CCDC180: variants seen among roughly 807,000 people sequenced by gnomAD.
CCDC180 encodes coiled-coil domain-containing protein 180.
In CCDC180, 154 loss-of-function variants were observed where a neutral mutation model predicts 209.2. The ratio of observed to expected loss-of-function variants is 0.74; its 90% confidence interval spans 0.65 to 0.84. The LOEUF is 0.84. CCDC180 is among the 40% of genes least tolerant of loss of function. The pLI is 0.00. For synonymous variants in CCDC180, 778 were observed against 749.1 expected, an observed-to-expected ratio of 1.04 and a Z score of -0.63; for missense variants, 1,874 against 1,997.3, an observed-to-expected ratio of 0.94 and a Z score of 1.18.
chr9:97,343,129 T>A (rs937211084), intron 18 of CCDC180, among the ~76,000 whole-genome samples: 38 of 152,222 alleles, frequency 2.5e-4, no homozygotes, highest in African/African-American at 9.2e-4. Context: ...TATTTTCTGA[T>A]GTTTTAAGAG....
chr9:97,357,096 G>A (rs1826605208), intron 24 of CCDC180, among the ~76,000 whole-genome samples: 2 of 152,252 alleles, frequency 1.3e-5, no homozygotes. Context: ...GAAAGGTGAT[G>A]CTGTGAGAGG....
chr9:97,336,856 T>C (rs1166391568), intron 18 of CCDC180, among the ~76,000 whole-genome samples: 1 of 152,224 alleles, frequency 6.6e-6, no homozygotes, highest in African/African-American at 2.4e-5. Flanking sequence ...TGGTTTGTAG[T>C]TCTCCTTGTA....
intron 22 of CCDC180, among the ~76,000 whole-genome samples, chr9:97,351,677 C>CAAA (rs58347894): frequency 6.6e-6 from 1 of 151,890 alleles, no homozygotes; most frequent in Non-Finnish European, 1.5e-5. Context: ...TATACATGAG[C>CAAA]AAAAAATTGT....
intron 1 of CCDC180, 39 bp from the exon 2 acceptor site, chr9:97,307,944 C>G (rs1213101433): frequency 8.8e-6 from 14 of 1,582,258 alleles, no homozygotes; most frequent in Non-Finnish European, 1.0e-5. Flanking sequence ...CCGCCTGGAC[C>G]TGAACCTGAG....
intron 33 of CCDC180, 191 bp from the exon 34 acceptor site, chr9:97,371,404 A>G (rs949869378): frequency 2.4e-5 from 10 of 420,986 alleles, no homozygotes; most frequent in Admixed American, 3.7e-5. Flanking sequence ...TGAATCATTT[A>G]TTATGTTTAA....
In CCDC180 at chr9:97,375,581, G is replaced by A. The variant is rs1204843190; in HGVS notation, c.4834G>A (p.Val1612Met). ...HLAAVEARDA[V>M]YLKYLASFEE... ...GGCGGCCGTGGAAGCCCGAGATGCT[G>A]TGTACCTGGTGAGACAGGGTGGAGT... is the stretch of plus-strand genomic sequence containing the variant. Residue 1612 changes from valine to methionine, a missense_variant, in exon 36 of 37, where the codon GTG (valine) becomes ATG (methionine). Val to Met is a conservative substitution (Grantham distance 21). Coordinates refer to ENST00000529487, the MANE Select transcript of CCDC180 (RefSeq NM_020893.6). 1 of 1,614,116 alleles carries A rather than the reference G, an allele frequency of 6.2e-7. No individual in the cohort carries two copies. Among genetic ancestry groups the A allele is most frequent in the African/African-American group, 1.3e-5 (1 of 74,938 alleles).
At chr9:97,346,285 C>T (rs1224901484) in intron 19 of CCDC180, among the ~76,000 whole-genome samples, 1 of 152,148 alleles carries the variant, frequency 6.6e-6, no homozygotes, top group Non-Finnish European at 1.5e-5. Flanking sequence ...ATTCTTGGCT[C>T]TTTGTATTTC....
At chr9:97,308,165 T>A in intron 2 of CCDC180, 33 bp downstream of exon 2, 1 of 1,519,214 alleles carries the variant, frequency 6.6e-7, no homozygotes. Context: ...CTTTTCTCCA[T>A]CCCCCTTCCC....
At chr9:97,308,777 A>C (rs557059390) in intron 2 of CCDC180, among the ~76,000 whole-genome samples, 6 of 152,324 alleles carry the variant, frequency 3.9e-5, no homozygotes, top group African/African-American at 1.2e-4. Context: ...TTATCTGTAA[A>C]ACCTCTGGAA....
At chr9:97,313,484 C>G (rs1833059053) in intron 5 of CCDC180, 139 bp downstream of exon 5, 1 of 572,946 alleles carries the variant, frequency 1.7e-6, no homozygotes, top group African/African-American at 1.9e-5. Context: ...ATGGAACCCT[C>G]TCTGAGTGCC....
Position 97,376,820 on chromosome 9 carries a change from C to T in CCDC180, c.4900C>T (p.Gln1634Ter). 1 of 1,613,556 alleles carries T rather than the reference C, an allele frequency of 6.2e-7. No homozygotes were observed. Among genetic ancestry groups the T allele is most frequent in the Admixed American group, 1.7e-5 (1 of 60,014 alleles). ...LKRIQDDCTS[Q>*]IKEAQRWKDS... Reference sequence around the variant, plus strand: ...GAGGATCCAGGATGACTGTACATCTCAGATAAAGGAGGCTCAGCGCTGGAA... The same window carrying T: ...GAGGATCCAGGATGACTGTACATCTTAGATAAAGGAGGCTCAGCGCTGGAA... The change falls in exon 37 of 37, where the codon CAG becomes TAG. Residue 1634 changes from glutamine (Q) to a stop codon, truncating the protein, a stop_gained. Coordinates refer to ENST00000529487, the MANE Select transcript of CCDC180 (RefSeq NM_020893.6). LOFTEE classifies it high-confidence loss of function.
intron 36 of CCDC180, chr9:97,376,143 T>A (rs1277858709): frequency 6.4e-6 from 1 of 156,716 alleles, no homozygotes; most frequent in African/African-American, 2.4e-5. Context: ...CAGGATTTGA[T>A]CCCAGTGCCT....
In CCDC180 at chr9:97,366,691, T is replaced by TG; in HGVS notation, c.4181dup (p.Cys1394TrpfsTer13). 1 of 1,614,112 alleles carries TG rather than the reference T, an allele frequency of 6.2e-7. No individual in the cohort carries two copies. On this transcript the variant is annotated frameshift_variant, in exon 31 of 37. Transcript: ENST00000529487. LOFTEE classifies it high-confidence loss of function. This position sits in a 1 kb window ranked among gnomAD's most constrained non-coding sequence, Gnocchi z 4.3. ...CCAGGCAAATAAGTACCACAACTCC[T>TG]GCCTCATAGGTGAGTATAGGCAGCA...
Position 97,337,751 on chromosome 9 carries a change from T to C in CCDC180, c.2275-5589T>C, listed in dbSNP as rs1265763768. On this transcript the variant is annotated intron_variant, in intron 18 of 36. Transcript: ENST00000529487. ...TCAGAAGGAATGGTACTAGCTCCTC[T>C]TTGTACCTCTGGTAGAATTCGGCTG... Among the ~76,000 whole-genome samples, 5 of 152,192 alleles carry C rather than the reference T, an allele frequency of 3.3e-5. No homozygotes were observed. In the South Asian group the frequency reaches 1.0e-3, roughly 31 times the overall value.
chr9:97,357,460 A>G lies in CCDC180; in HGVS notation c.3265-167A>G, dbSNP rs571417081. ...TGAACCTTACTTACTTGAGAGGGGAAAAAAATCTTTTTAATTTGTATCAAT... is the reference window on the plus strand; with the variant it reads ...TGAACCTTACTTACTTGAGAGGGGAGAAAAATCTTTTTAATTTGTATCAAT... On this transcript the variant is annotated intron_variant, in intron 24 of 36. Coordinates refer to ENST00000529487, the MANE Select transcript of CCDC180 (RefSeq NM_020893.6). Among the ~76,000 whole-genome samples the G allele has an allele frequency of 2.0e-5, 3 of 152,286 alleles. No homozygotes were observed. The South Asian group carries it at 6.2e-4, about 32-fold the overall frequency.
rs1489929841 is a variant in CCDC180 at position 97,376,751 on chromosome 9, C to T, written c.4843-12C>T. ...CTCCTCATGTGGACCCCTCCTGCTACCTTCCTTCTAGAAATATTTAGCATC... is the reference window on the plus strand; with the variant it reads ...CTCCTCATGTGGACCCCTCCTGCTATCTTCCTTCTAGAAATATTTAGCATC... On this transcript the variant is annotated splice_polypyrimidine_tract_variant and intron_variant, in intron 36 of 36. Coordinates refer to ENST00000529487, the MANE Select transcript of CCDC180 (RefSeq NM_020893.6). The T allele has an allele frequency of 2.5e-6, 4 of 1,611,450 alleles. No homozygotes were observed. Among genetic ancestry groups the T allele is most frequent in the Non-Finnish European group, 3.4e-6 (4 of 1,179,044 alleles).
Position 97,367,365 on chromosome 9 carries a change from A to C in CCDC180, c.4189+665A>C, listed in dbSNP as rs572845440. On this transcript the variant is annotated intron_variant, in intron 31 of 36. Coordinates refer to ENST00000529487, the MANE Select transcript of CCDC180 (RefSeq NM_020893.6). ...GAGGCCCTCTGGGTAGAAGGAGGAG[A>C]GTTCAGGGGATAGCCAGAACTGGGC... 2.6e-5 allele frequency among the ~76,000 whole-genome samples: 4 copies of C among 152,066 alleles called. No homozygotes were observed. The South Asian group carries it at 8.3e-4, about 32-fold the overall frequency.
At position 97,333,728 on chromosome 9, in the gene CCDC180, G is replaced by A. The variant is rs117242375; in HGVS notation, c.2274+2961G>A. ...TTGGAGTTTTTTTTTGTATTTCTGC[G>A]GGGTCAGTGATAATGTATTAATACT... On this transcript the variant is annotated intron_variant, in intron 18 of 36. Coordinates refer to ENST00000529487, the MANE Select transcript of CCDC180 (RefSeq NM_020893.6). 9.7e-3 allele frequency among the ~76,000 whole-genome samples: 1,472 copies of A among 151,432 alleles called. 40 individuals are homozygous for A. The highest frequency in any genetic ancestry group is 0.095 in the East Asian group (491 of 5,166).
At position 97,343,522 on chromosome 9, in the gene CCDC180, A is replaced by G; in HGVS notation, c.2457A>G (p.Gln819=). The G allele has an allele frequency of 1.9e-6, 3 of 1,614,122 alleles. No homozygotes were observed. Among genetic ancestry groups the G allele is most frequent in the Non-Finnish European group, 2.5e-6 (3 of 1,179,968 alleles). ...CTTCCAGTGCCAAGTTCATAGAACAAGTGACAATTCCATCGAGACTAATTT... is the reference window on the plus strand; with the variant it reads ...CTTCCAGTGCCAAGTTCATAGAACAGGTGACAATTCCATCGAGACTAATTT... ...NDTSSAKFIE[Q]VTIPSRLILE... Residue 819 remains glutamine (Q), a synonymous_variant, in exon 19 of 37, where the codon CAA becomes CAG. Coordinates refer to ENST00000529487, the MANE Select transcript of CCDC180 (RefSeq NM_020893.6).
Sources: allele counts gnomAD v4.1 joint callset (sites outside exome capture counted in the v4.1 genomes callset), GRCh38; gene constraint gnomAD v4.1.1; non-coding constraint Gnocchi (gnomAD v3.1); transcripts MANE v1.5; gene names NCBI Gene and HGNC (gene_info 2026-07-23, HGNC 2026-07-21).